GABRR2: variants seen among roughly 807,000 people sequenced by gnomAD.
The protein encoded by GABRR2 is gamma-aminobutyric acid type A receptor subunit rho2.
In GABRR2, 36 loss-of-function variants were observed where a neutral mutation model predicts 47.0. The ratio of observed to expected loss-of-function variants is 0.77; its 90% CI spans 0.59 to 1.01. GABRR2 has a LOEUF of 1.01. Among genes scored for constraint, GABRR2 ranks in the 50% least tolerant of loss-of-function variants. The pLI is 0.00. For synonymous variants in GABRR2, 204 were observed against 227.5 expected, an observed-to-expected ratio of 0.90 and a Z score of 0.93; for missense variants, 587 against 594.6, an observed-to-expected ratio of 0.99 and a Z score of 0.13.
At chr6:89,260,846 A>T (rs922637682) in intron 8 of GABRR2, among the ~76,000 whole-genome samples, 26 of 152,174 alleles carry the variant, frequency 1.7e-4, no homozygotes, top group African/African-American at 6.3e-4. Context: ...CCTCAGCTCT[A>T]TTGGGAAACA....
intron 2 of GABRR2, among the ~76,000 whole-genome samples, chr6:89,280,789 A>C (rs999183130): frequency 6.6e-6 from 1 of 152,238 alleles, no homozygotes; most frequent in African/African-American, 2.4e-5. Flanking sequence ...CCCAGTTATT[A>C]TGGAGATTTT....
chr6:89,257,921 C>A lies in GABRR2; in HGVS notation c.1147G>T (p.Glu383Ter). Reference sequence around the variant, plus strand: ...CCAGCCAGGCTGTTGGCCTCAGACTCACTGTAGCTTCCATCCAGCATCATG... The same window carrying A: ...CCAGCCAGGCTGTTGGCCTCAGACTAACTGTAGCTTCCATCCAGCATCATG... ...KTMMLDGSYS[E>*]SEANSLAGYP... Residue 383 changes from glutamate (E) to a stop codon, truncating the protein, a stop_gained, in exon 9 of 9, where the codon GAG becomes TAG. Coordinates refer to ENST00000402938, the MANE Select transcript of GABRR2 (RefSeq NM_002043.5). LOFTEE classifies it high-confidence loss of function. 1.2e-6 allele frequency: 2 copies of A among 1,614,028 alleles called. No homozygotes were observed. Among genetic ancestry groups the A allele is most frequent in the Non-Finnish European group, 1.7e-6 (2 of 1,179,892 alleles).
chr6:89,288,186 G>A (rs375516636), intron 2 of GABRR2, among the ~76,000 whole-genome samples: 5 of 152,150 alleles, frequency 3.3e-5, no homozygotes, highest in African/African-American at 1.2e-4. Context: ...TCCATCTGCT[G>A]GTTTCTCTTC....
Position 89,301,698 on chromosome 6 carries a change from A to G in GABRR2, c.114-1833T>C, listed in dbSNP as rs536890573. 3 of 602,234 alleles carry G rather than the reference A, an allele frequency of 5.0e-6. 1 individual carries two copies. The South Asian group carries it at 5.3e-5, about 11-fold the overall frequency. The allele number at this position is 602,234 out of a possible 1,614,324, so 37.3% of individuals were successfully genotyped here. On this transcript the variant is annotated intron_variant, in intron 1 of 8. Transcript: ENST00000402938. ...AAAGATCTCTACAATGAGAATTGCAAAAACACCACTCAAAGAAATCAGAGA... is the reference window on the plus strand; with the variant it reads ...AAAGATCTCTACAATGAGAATTGCAGAAACACCACTCAAAGAAATCAGAGA...
At chr6:89,271,204 A>G (rs1489451678) in intron 3 of GABRR2, among the ~76,000 whole-genome samples, 1 of 152,180 alleles carries the variant, frequency 6.6e-6, no homozygotes, top group East Asian at 1.9e-4. Flanking sequence ...CAGGACACCC[A>G]GGCCTGTGGT....
chr6:89,265,789 A>G (rs777049819), intron 6 of GABRR2, 24 bp from the exon 7 acceptor site: 19 of 1,611,854 alleles, frequency 1.2e-5, no homozygotes, highest in East Asian at 2.2e-5. Flanking sequence ...GAAGAAGCCA[A>G]TGAGGTTCCA....
At chr6:89,259,834 T>C (rs1351547815) in intron 8 of GABRR2, among the ~76,000 whole-genome samples, 2 of 151,520 alleles carry the variant, frequency 1.3e-5, no homozygotes, top group Non-Finnish European at 2.9e-5. Flanking sequence ...CATAGACTCA[T>C]AGCTATAAGG....
In GABRR2 at chr6:89,276,632, CCTAAAGGTTTTAG is replaced by C. The variant is rs149146669; in HGVS notation, c.221-4923_221-4911del. The stretch of plus-strand genomic sequence containing the variant: ...ATGCCATTGATGCCACTACCATTGT[CCTAAAGGTTTTAG>C]CCAGTGCAATAGGAAAAGAAAAAAA... On this transcript the variant is annotated intron_variant, in intron 2 of 8. Coordinates refer to ENST00000402938, the MANE Select transcript of GABRR2 (RefSeq NM_002043.5). 2.9e-3 allele frequency among the ~76,000 whole-genome samples: 440 copies of C among 151,974 alleles called. 1 individual carries two copies. Among genetic ancestry groups the C allele is most frequent in the African/African-American group, 0.01 (425 of 41,444 alleles).
intron 2 of GABRR2, among the ~76,000 whole-genome samples, chr6:89,284,022 C>G (rs1231697363): frequency 6.6e-6 from 1 of 152,112 alleles, no homozygotes; most frequent in African/African-American, 2.4e-5. Flanking sequence ...TGCAAACTCT[C>G]CGATGGTCCC....
At chr6:89,270,845 C>T (rs1774034678) in intron 3 of GABRR2, among the ~76,000 whole-genome samples, 2 of 152,072 alleles carry the variant, frequency 1.3e-5, no homozygotes, top group South Asian at 2.1e-4. Flanking sequence ...AACATGAGTC[C>T]CTGCATTCAT....
intron 4 of GABRR2, 67 bp from the exon 5 acceptor site, chr6:89,268,163 A>T: frequency 8.4e-7 from 1 of 1,194,718 alleles, no homozygotes; most frequent in Non-Finnish European, 1.2e-6. Flanking sequence ...TGCCCAGAGC[A>T]AGAAGGCACA....
chr6:89,274,883 T>TA (rs1191869341), intron 2 of GABRR2, among the ~76,000 whole-genome samples: 2 of 151,808 alleles, frequency 1.3e-5, no homozygotes, highest in African/African-American at 2.4e-5. Flanking sequence ...AAATAATTTT[T>TA]AAAAAAATAA....
intron 1 of GABRR2, chr6:89,302,578 A>C: frequency 9.7e-7 from 1 of 1,033,830 alleles, no homozygotes; most frequent in Admixed American, 1.9e-5. Flanking sequence ...TCTTCATGCC[A>C]GGCATGAAGC....
chr6:89,281,032 G>T (rs60849819), intron 2 of GABRR2, among the ~76,000 whole-genome samples: 29,556 of 152,104 alleles, frequency 0.19, 3,524 homozygotes, highest in African/African-American at 0.34. Context: ...ATATTTTAAG[G>T]GTCACGATAT....
At chr6:89,299,673 C>A in intron 2 of GABRR2, 86 bp downstream of exon 2, 2 of 838,168 alleles carry the variant, frequency 2.4e-6, no homozygotes, top group East Asian at 2.5e-5. Context: ...TCTGAGGAAG[C>A]GCTGTGCCAG....
At chr6:89,263,907 A>G (rs1377677233) in intron 8 of GABRR2, among the ~76,000 whole-genome samples, 1 of 152,194 alleles carries the variant, frequency 6.6e-6, no homozygotes. Context: ...ATTTAGCTTT[A>G]GTCCTTACTG....
intron 2 of GABRR2, among the ~76,000 whole-genome samples, chr6:89,278,763 C>T (rs1177909025): frequency 6.6e-6 from 1 of 152,228 alleles, no homozygotes. Flanking sequence ...ACCAGAACCC[C>T]CAACTCCCAC....
intron 6 of GABRR2, among the ~76,000 whole-genome samples, chr6:89,267,192 G>GT (rs1281716034): frequency 6.6e-6 from 1 of 152,034 alleles, no homozygotes; most frequent in Non-Finnish European, 1.5e-5. Context: ...TAGAGATGGG[G>GT]TTTTGCCATG....
chr6:89,275,081 T>G (rs1044909157), intron 2 of GABRR2, among the ~76,000 whole-genome samples: 1 of 152,044 alleles, frequency 6.6e-6, no homozygotes, highest in African/African-American at 2.4e-5. Context: ...GAAAGCACAC[T>G]TTAGGGATTT....
Sources: allele counts gnomAD v4.1 joint callset (sites outside exome capture counted in the v4.1 genomes callset), GRCh38; gene constraint gnomAD v4.1.1; transcripts MANE v1.5; gene names NCBI Gene and HGNC (gene_info 2026-07-23, HGNC 2026-07-21).